SELENOS: variants seen among roughly 807,000 people sequenced by gnomAD.
The protein encoded by SELENOS is selenoprotein S, also known as VCP interacting membrane selenoprotein.
A neutral mutation model predicts 30.2 loss-of-function variants in SELENOS; 37 were observed. That is an observed-to-expected ratio of 1.23 (90% CI 0.94 to 1.61). The LOEUF is 1.61. Among genes scored for constraint, SELENOS ranks in the 40% most tolerant of loss-of-function variants. SELENOS has a pLI of 0.00. For missense variants in SELENOS, 289 were observed against 231.8 expected (o/e 1.25, Z -1.60); for synonymous variants, 119 against 91.6 (o/e 1.30, Z -1.71).
At position 101,276,497 on chromosome 15, in the gene SELENOS, G is replaced by C. The variant is rs776191247; in HGVS notation, c.211+44C>G. 7 of 1,553,064 alleles carry C rather than the reference G, an allele frequency of 4.5e-6. No individual in the cohort carries two copies. The Admixed American group carries it at 8.3e-5, about 18-fold the overall frequency. Reference sequence around the variant, plus strand: ...TAAGAGACTAACTCTTAATATAAAGGAGGTGCAAAACCACCGCTTTCATTT... The same window carrying C: ...TAAGAGACTAACTCTTAATATAAAGCAGGTGCAAAACCACCGCTTTCATTT... On this transcript the variant is annotated intron_variant, in intron 2 of 5. Transcript: ENST00000526049.
At chr15:101,276,445 T>C in intron 2 of SELENOS, 96 bp downstream of exon 2, 1 of 1,382,238 alleles carries the variant, frequency 7.2e-7, no homozygotes, top group Non-Finnish European at 9.5e-7. Flanking sequence ...AGACAGGGTC[T>C]TCCTGTGTGG....
intron 1 of SELENOS, chr15:101,277,104 G>T: frequency 1.3e-6 from 1 of 759,050 alleles, no homozygotes; most frequent in Non-Finnish European, 2.2e-6. Context: ...GAAGGGCTTG[G>T]TTCGCAAAAA....
intron 1 of SELENOS, chr15:101,276,902 TA>T: frequency 1.8e-6 from 1 of 561,742 alleles, no homozygotes; most frequent in Non-Finnish European, 3.1e-6. Context: ...CGGGGGCAGT[TA>T]GAGTGTGGAG....
At chr15:101,277,018 G>A in intron 1 of SELENOS, 1 of 555,236 alleles carries the variant, frequency 1.8e-6, no homozygotes, top group Non-Finnish European at 3.2e-6. Flanking sequence ...GGGGAGTCAG[G>A]AGTGTGTATG....
At chr15:101,271,205 AG>A (rs2039265085), downstream of SELENOS, 1 of 152,358 alleles carries the variant, frequency 6.6e-6, no homozygotes, top group African/African-American at 2.4e-5. Flanking sequence ...AATATATTCA[AG>A]GAAGAATGTT....
At chr15:101,275,007 C>A (rs1172506473) in intron 3 of SELENOS, 5 of 565,126 alleles carry the variant, frequency 8.8e-6, no homozygotes, top group Non-Finnish European at 1.5e-5. Context: ...GCTCCCTGCT[C>A]CAGCCTGTCC....
intron 2 of SELENOS, 110 bp downstream of exon 2, chr15:101,276,428 TAAA>T: frequency 7.8e-7 from 1 of 1,290,010 alleles, no homozygotes; most frequent in African/African-American, 1.5e-5. Flanking sequence ...TTTTTTTTTT[TAAA>T]TAGAGACAGG....
chr15:101,274,200 C>A, intron 5 of SELENOS: 1 of 601,342 alleles, frequency 1.7e-6, no homozygotes, highest in East Asian at 2.8e-5. Flanking sequence ...CTCTACGGGG[C>A]TGCAGAAGGA....
Position 101,277,323 on chromosome 15 carries a change from C to T in SELENOS, c.76+19G>A. 3 of 1,507,222 alleles carry T rather than the reference C, an allele frequency of 2.0e-6. No homozygotes were observed. The highest frequency in any genetic ancestry group is 2.5e-5 in the East Asian group (1 of 39,340). 93.4% of individuals were successfully genotyped at this position (1,507,222 alleles called of 1,614,324 possible). Reference sequence around the variant, plus strand: ...CGCAAAAGTGGCGGCGCGCGCCCGGCTGCCCCGCAACGACTCACCCGTGGT... The same window carrying T: ...CGCAAAAGTGGCGGCGCGCGCCCGGTTGCCCCGCAACGACTCACCCGTGGT... On this transcript the variant is annotated intron_variant, in intron 1 of 5. Transcript: ENST00000526049.
chr15:101,277,229 C>A (rs575152978), intron 1 of SELENOS, 113 bp downstream of exon 1: 3 of 1,499,054 alleles, frequency 2.0e-6, no homozygotes, highest in African/African-American at 2.8e-5. Context: ...AACGCCCGAC[C>A]GTTCCCAGGC....
rs2039284498 is a variant in SELENOS at position 101,272,856 on chromosome 15, C to T, written c.485G>A (p.Gly162Asp). Residue 162 changes from glycine (G) to aspartate (D), a missense_variant and splice_region_variant, in exon 6 of 6, where the codon GGT becomes GAT. Coordinates refer to ENST00000526049, the MANE Select transcript of SELENOS (RefSeq NM_018445.6). ...TCCTTCACCAGACAACGGGTTATAA[C>T]CTGGGAGGACAGAAAAGCAGCACAA... ...KSDRKPLRGG[G>D]YNPLSGEGGG... 1.9e-6 allele frequency: 3 copies of T among 1,603,948 alleles called. No homozygotes were observed. Among genetic ancestry groups the T allele is most frequent in the Non-Finnish European group, 2.6e-6 (3 of 1,175,364 alleles).
In SELENOS at chr15:101,277,422, G is replaced by GCCT. The variant is rs764117796; in HGVS notation, c.-6_-5insAGG. The GCCT allele has an allele frequency of 7.7e-6, 11 of 1,422,314 alleles. No individual in the cohort carries two copies. The African/African-American group carries it at 1.4e-4, about 18-fold the overall frequency. 88.1% of individuals were successfully genotyped at this position (1,422,314 alleles called of 1,614,324 possible). On this transcript the variant is annotated 5_prime_UTR_variant, in exon 1 of 6. Transcript: ENST00000526049. ...AGACTCCTCTTGGCGTTCCATGACC[G>GCCT]CCGCCGCCGCCGCCGCCCAGCCCTG...
At chr15:101,276,068 GCCCGT>G (rs2039323162) in intron 2 of SELENOS, among the ~76,000 whole-genome samples, 1 of 151,430 alleles carries the variant, frequency 6.6e-6, no homozygotes, top group Non-Finnish European at 1.5e-5. Flanking sequence ...GATTACAGGT[GCCCGT>G]CACCACGCCC....
chr15:101,275,911 T>C (rs1254704295), intron 2 of SELENOS, among the ~76,000 whole-genome samples: 6 of 143,582 alleles, frequency 4.2e-5, no homozygotes, highest in African/African-American at 1.1e-4. Flanking sequence ...CTAGACTCCA[T>C]CTCATAGAAA....
At chr15:101,274,524 A>C in intron 4 of SELENOS, 29 bp from the exon 5 acceptor site, 1 of 1,607,246 alleles carries the variant, frequency 6.2e-7, no homozygotes, top group East Asian at 2.2e-5. Context: ...TAGTGTAAGA[A>C]GCAATTAAAA....
At chr15:101,275,194 C>T (rs1020171759) in intron 3 of SELENOS, 61 bp downstream of exon 3, 27 of 1,404,494 alleles carry the variant, frequency 1.9e-5, no homozygotes, top group East Asian at 7.6e-5. Flanking sequence ...ACACAGGCAT[C>T]GTTAGCCACT....
At chr15:101,274,372 C>T in intron 5 of SELENOS, 48 bp downstream of exon 5, 5 of 1,549,054 alleles carry the variant, frequency 3.2e-6, no homozygotes, top group Non-Finnish European at 4.4e-6. Context: ...GTAACTATAT[C>T]CTGTAAGTGT....
intron 1 of SELENOS, chr15:101,276,952 A>C (rs2141299434): frequency 1.9e-6 from 1 of 526,924 alleles, no homozygotes; most frequent in Non-Finnish European, 3.4e-6. Flanking sequence ...AGAGCAACTA[A>C]TCTGAATCAG....
intron 1 of SELENOS, 127 bp downstream of exon 1, chr15:101,277,215 C>G (rs2039338446): frequency 2.1e-6 from 3 of 1,459,958 alleles, no homozygotes; most frequent in Middle Eastern, 1.7e-4. Context: ...TCCGCGTAAG[C>G]GCCAACGCCC....
Sources: allele counts gnomAD v4.1 joint callset (sites outside exome capture counted in the v4.1 genomes callset), GRCh38; gene constraint gnomAD v4.1.1; transcripts MANE v1.5; gene names NCBI Gene and HGNC (gene_info 2026-07-23, HGNC 2026-07-21).